The following FANCA variants were observed in gnomAD, a reference collection of about 807,000 sequenced individuals.
FANCA encodes the protein FA complementation group A.
Under a neutral mutation model 194.3 loss-of-function variants are expected in FANCA, and 236 were observed. The ratio of observed to expected loss-of-function variants is 1.21; its 90% confidence interval spans 1.09 to 1.35. The LOEUF (loss-of-function observed/expected upper bound fraction) is 1.35. FANCA is among the 40% of genes most tolerant of loss of function. The pLI is 0.00. For missense variants in FANCA, 2,628 were observed against 1,813.9 expected, an observed-to-expected ratio of 1.45 and a Z score of -8.15; for synonymous variants, 1,014 against 715.8, an observed-to-expected ratio of 1.42 and a Z score of -6.65.
At chr16:89,808,229 G>C in intron 6 of FANCA, 65 bp downstream of exon 6, 2 of 1,505,730 alleles carry the variant, frequency 1.3e-6, no homozygotes, top group Non-Finnish European at 1.9e-6. Context: ...TCTGGGCTTT[G>C]AAATATAATT....
intron 20 of FANCA, 56 bp downstream of exon 20, chr16:89,778,745 C>A: frequency 6.6e-7 from 1 of 1,510,320 alleles, no homozygotes; most frequent in Non-Finnish European, 9.2e-7. Context: ...CACAATTCTT[C>A]GCATTGTCAG....
rs36078611 is a variant in FANCA at position 89,749,575 on chromosome 16, G to A, written c.3239+155C>T. On this transcript the variant is annotated intron_variant, in intron 32 of 42. Transcript: ENST00000389301. ...TTCAACCCTCCAGATCCTCTTCTCCGTGGCATGTGCCACAGAAATGGACAG... is the reference window on the plus strand; with the variant it reads ...TTCAACCCTCCAGATCCTCTTCTCCATGGCATGTGCCACAGAAATGGACAG... Among the ~76,000 whole-genome samples the A allele has an allele frequency of 5.1e-3, 778 of 152,258 alleles. 6 individuals are homozygous for A. The highest frequency in any genetic ancestry group is 0.018 in the African/African-American group (753 of 41,546).
rs915386294 is a variant in FANCA, at chr16:89,765,350, C to A, written c.2602-284G>T. Among the ~76,000 whole-genome samples the A allele has an allele frequency of 1.1e-3, 162 of 151,494 alleles. 1 individual carries two copies. The highest frequency in any genetic ancestry group is 5.8e-4 in the East Asian group (3 of 5,158). ...ACCCCACGTTCAGGGGACCTCAGTC[C>A]AGCCCCTGGGAGGGCACAACACACA... is the stretch of plus-strand genomic sequence containing the variant. On this transcript the variant is annotated intron_variant, in intron 27 of 42. Coordinates refer to ENST00000389301, the MANE Select transcript of FANCA (RefSeq NM_000135.4).
chr16:89,760,057 A>G (rs1442868350), intron 29 of FANCA, among the ~76,000 whole-genome samples: 1 of 152,260 alleles, frequency 6.6e-6, no homozygotes, highest in Non-Finnish European at 1.5e-5. Context: ...GAACTGGCAC[A>G]GAATGTATCT....
intron 28 of FANCA, among the ~76,000 whole-genome samples, chr16:89,763,758 C>A (rs970081590): frequency 1.3e-5 from 2 of 151,312 alleles, no homozygotes; most frequent in Non-Finnish European, 1.5e-5. Flanking sequence ...CATGGTGAAA[C>A]CCCATCTCTA....
chr16:89,814,457 C>T, intron 3 of FANCA, 63 bp downstream of exon 3: 4 of 1,267,848 alleles, frequency 3.2e-6, no homozygotes, highest in Non-Finnish European at 4.6e-6. Context: ...ATTTAGCAAA[C>T]TATGGTTACT....
chr16:89,770,170 T>C lies in FANCA; in HGVS notation c.2312A>G (p.His771Arg). 3 of 1,588,648 alleles carry C rather than the reference T, an allele frequency of 1.9e-6. No homozygotes were observed. The highest frequency in any genetic ancestry group is 2.6e-6 in the Non-Finnish European group (3 of 1,167,988). Residue 771 changes from histidine to arginine, a missense_variant, in exon 25 of 43, where the codon CAC becomes CGC. Transcript: ENST00000389301. ...VLTRLCQLLR[H>R]QGPSLSAPHV... ...CCCCATGAAGGAGAGCCTCACCTGG[T>C]GACGGAGCAGCTGGCAGAGCCGGGT...
At chr16:89,795,497 G>C (rs1196731279) in intron 11 of FANCA, among the ~76,000 whole-genome samples, 3 of 151,898 alleles carry the variant, frequency 2.0e-5, no homozygotes, top group South Asian at 2.1e-4. Context: ...AATTAACCGG[G>C]TGTGGTGGTT....
chr16:89,776,839 A>C (rs2039523568), intron 20 of FANCA, among the ~76,000 whole-genome samples: 1 of 152,096 alleles, frequency 6.6e-6, no homozygotes, highest in African/African-American at 2.4e-5. Context: ...TCAAAAAATA[A>C]ATTAAAGAAA....
rs149209309 is a variant in FANCA, at chr16:89,737,853, C to G, written c.*748G>C. The stretch of plus-strand genomic sequence containing the variant: ...CGAATGTGGACAAACCTTCAAGCAG[C>G]GGAAGCACCTTCTCGTCCACCAAAT... On this transcript the variant is annotated 3_prime_UTR_variant, in exon 43 of 43. Transcript: ENST00000389301. 6.2e-7 allele frequency: 1 copy of G among 1,614,040 alleles called. No homozygotes were observed. The highest frequency in any genetic ancestry group is 1.3e-5 in the African/African-American group (1 of 74,904).
At chr16:89,785,727 C>T (rs973115023) in intron 14 of FANCA, among the ~76,000 whole-genome samples, 1 of 152,162 alleles carries the variant, frequency 6.6e-6, no homozygotes, top group South Asian at 2.1e-4. Context: ...CTCCTGCCAC[C>T]CTAGCCCCAC....
At chr16:89,770,453 C>T (rs1375550803) in intron 24 of FANCA, 111 bp downstream of exon 24, 2 of 1,128,474 alleles carry the variant, frequency 1.8e-6, no homozygotes, top group East Asian at 2.6e-5. Context: ...CTCAGCATCG[C>T]CGCATGCTCC....
At chr16:89,769,732 T>G in intron 26 of FANCA, 105 bp downstream of exon 26, 1 of 1,315,744 alleles carries the variant, frequency 7.6e-7, no homozygotes, top group Non-Finnish European at 1.1e-6. Flanking sequence ...GTGGTTATCT[T>G]TGGGTGGTAT....
Position 89,794,434 on chromosome 16 carries a change from A to C in FANCA, c.1006+1472T>G, listed in dbSNP as rs375772235. 5.4e-3 allele frequency among the ~76,000 whole-genome samples: 826 copies of C among 152,110 alleles called. 6 individuals carry two copies. The highest frequency in any genetic ancestry group is 0.019 in the African/African-American group (797 of 41,522). On this transcript the variant is annotated intron_variant, in intron 11 of 42. Coordinates refer to ENST00000389301, the MANE Select transcript of FANCA (RefSeq NM_000135.4). ...GCATGGTGGCAGGCGCCTGTAATTC[A>C]AGCTTGGCAGGGAATAGCTTGAACC...
rs367624518 is a variant in FANCA at position 89,748,648 on chromosome 16, G to A, written c.3348+11C>T. 73 of 1,605,276 alleles carry A rather than the reference G, an allele frequency of 4.5e-5. No homozygotes were observed. Among genetic ancestry groups the A allele is most frequent in the Middle Eastern group, 1.6e-4 (1 of 6,064 alleles). ...ACAGATCGGACGGACACGTGCACAC[G>A]GGGCACCTACCATCTCAGAGTTGAC... On this transcript the variant is annotated intron_variant, in intron 33 of 42. Transcript: ENST00000389301.
rs776972724 is a variant in FANCA, at chr16:89,791,492, G to C, written c.1270C>G (p.Leu424Val). ...LMAQAFESCQ[L>V]DSMVTAFLVV... ...AGGAACGCAGTGACCATGCTGTCCAGCTGGCAGCTCTCGAATGCCTGGGCC... is the reference window on the plus strand; with the variant it reads ...AGGAACGCAGTGACCATGCTGTCCACCTGGCAGCTCTCGAATGCCTGGGCC... Residue 424 changes from leucine to valine, a missense_variant, in exon 14 of 43, where the codon CTG becomes GTG. Transcript: ENST00000389301. 8.1e-6 allele frequency: 13 copies of C among 1,614,168 alleles called. No individual in the cohort carries two copies. The highest frequency in any genetic ancestry group is 3.3e-5 in the Admixed American group (2 of 60,016).
intron 18 of FANCA, among the ~76,000 whole-genome samples, chr16:89,779,439 G>C (rs1354524522): frequency 6.6e-6 from 1 of 151,876 alleles, no homozygotes; most frequent in African/African-American, 2.4e-5. Flanking sequence ...CTCCATATTG[G>C]TCACAAAGAA....
intron 36 of FANCA, among the ~76,000 whole-genome samples, chr16:89,743,559 C>T (rs193246368): frequency 6.6e-6 from 1 of 152,324 alleles, no homozygotes; most frequent in Non-Finnish European, 1.5e-5. Context: ...CGTGGTGGTT[C>T]ACGCCTGTAA....
At chr16:89,772,932 T>C (rs1440865708) in intron 22 of FANCA, among the ~76,000 whole-genome samples, 3 of 152,180 alleles carry the variant, frequency 2.0e-5, no homozygotes, top group East Asian at 1.9e-4. Context: ...GCAGAGACCC[T>C]GTGTGTCTGA....
Sources: gnomAD v4.1 joint callset for allele counts (sites outside exome capture counted in the v4.1 genomes callset) on GRCh38, gnomAD v4.1.1 for gene constraint, MANE v1.5 for transcripts, NCBI Gene and HGNC (gene_info 2026-07-23, HGNC 2026-07-21) for gene names.